PTPRQ: variants seen among roughly 807,000 people sequenced by gnomAD.
The protein encoded by PTPRQ is phosphatidylinositol phosphatase PTPRQ.
In PTPRQ, 199 loss-of-function variants were observed where a neutral mutation model predicts 246.0. The ratio of observed to expected loss-of-function variants is 0.81; its 90% CI spans 0.72 to 0.91. PTPRQ has a LOEUF of 0.91. PTPRQ is among the 40% of genes least tolerant of loss of function. The probability of loss-of-function intolerance (pLI) is 0.00; values close to 1 mark genes in which losing one functional copy is unlikely to be tolerated. For missense variants in PTPRQ, 2,624 were observed against 2,528.4 expected, an observed-to-expected ratio of 1.04 and a Z score of -0.81; for synonymous variants, 869 against 853.2, an observed-to-expected ratio of 1.02 and a Z score of -0.32.
chr12:80,635,077 A>AGC lies in PTPRQ; in HGVS notation c.5915+5_5915+6dup. 1.3e-6 allele frequency: 2 copies of AGC among 1,550,536 alleles called. No individual in the cohort carries two copies. The highest frequency in any genetic ancestry group is 1.7e-6 in the Non-Finnish European group (2 of 1,146,472). On this transcript the variant is annotated splice_donor_region_variant and intron_variant, in intron 35 of 44. Transcript: ENST00000644991. ...TGAAGGACGAGAGATTAACGCGGTG[A>AGC]GCACACTCCTCTGGGTGAACTGTGG...
intron 43 of PTPRQ, among the ~76,000 whole-genome samples, chr12:80,675,615 A>G (rs1304789341): frequency 1.3e-5 from 2 of 152,180 alleles, no homozygotes; most frequent in Admixed American, 6.5e-5. Context: ...AAAAGCTGAA[A>G]AAACTTCCAT....
chr12:80,453,182 T>C (rs1892834634), intron 3 of PTPRQ, among the ~76,000 whole-genome samples: 6 of 152,226 alleles, frequency 3.9e-5, no homozygotes, highest in Admixed American at 3.9e-4. Flanking sequence ...TCTGCATTCT[T>C]CACGTAGTTT....
At chr12:80,603,417 A>T (rs1358937850) in intron 26 of PTPRQ, among the ~76,000 whole-genome samples, 2 of 151,720 alleles carry the variant, frequency 1.3e-5, no homozygotes. Context: ...CTTTAACGTA[A>T]CAATCAGGTA....
At chr12:80,484,638 C>A (rs1041881258) in intron 9 of PTPRQ, 33 bp downstream of exon 9, 2 of 1,543,598 alleles carry the variant, frequency 1.3e-6, no homozygotes, top group East Asian at 2.5e-5. Flanking sequence ...ATTGGTGAAC[C>A]CTTTCTGCTT....
intron 25 of PTPRQ, among the ~76,000 whole-genome samples, chr12:80,586,244 C>T (rs1387349245): frequency 1.3e-5 from 2 of 151,746 alleles, no homozygotes; most frequent in Non-Finnish European, 2.9e-5. Flanking sequence ...AGGACATGAA[C>T]AGACACTTCT....
intron 25 of PTPRQ, among the ~76,000 whole-genome samples, chr12:80,550,534 A>G (rs1280895897): frequency 9.2e-5 from 14 of 152,048 alleles, no homozygotes; most frequent in Non-Finnish European, 2.9e-5. Flanking sequence ...ATTTTTTCAG[A>G]CTACGGTGTT....
At chr12:80,662,341 A>G (rs999941989) in intron 39 of PTPRQ, among the ~76,000 whole-genome samples, 3 of 151,962 alleles carry the variant, frequency 2.0e-5, no homozygotes, top group African/African-American at 4.8e-5. Context: ...TTACTTTTTT[A>G]GCATGTAGTT....
chr12:80,623,269 G>C (rs1592728760), intron 33 of PTPRQ, among the ~76,000 whole-genome samples: 1 of 152,268 alleles, frequency 6.6e-6, no homozygotes. Flanking sequence ...TCTACATGTA[G>C]TCAAGGAAAC....
At chr12:80,619,572 A>G (rs946422886) in intron 31 of PTPRQ, 30 bp downstream of exon 31, 20 of 1,484,210 alleles carry the variant, frequency 1.3e-5, no homozygotes, top group Non-Finnish European at 1.6e-5. Flanking sequence ...TATCTTGTTA[A>G]ATTGTGGAGT....
chr12:80,666,223 T>TGTA (rs1900782318), intron 39 of PTPRQ, among the ~76,000 whole-genome samples: 1 of 150,792 alleles, frequency 6.6e-6, no homozygotes, highest in Non-Finnish European at 1.5e-5. Context: ...CGCAATGGAA[T>TGTA]ACTATTTAGC....
chr12:80,547,836 G>T lies in PTPRQ; in HGVS notation c.4015+1139G>T, dbSNP rs543148412. The stretch of plus-strand genomic sequence containing the variant: ...TAAATGCCCACTTCATAGAGTGTTG[G>T]ACACACAGTAAATGACCCCTGAATA... On this transcript the variant is annotated intron_variant, in intron 24 of 44. Coordinates refer to ENST00000644991, the MANE Select transcript of PTPRQ (RefSeq NM_001145026.2). Among the ~76,000 whole-genome samples the T allele has an allele frequency of 9.9e-5, 15 of 152,218 alleles. No homozygotes were observed. In the East Asian group the frequency reaches 1.2e-3, roughly 12 times the overall value.
At chr12:80,632,339 A>G (rs1432103989) in intron 34 of PTPRQ, 48 bp downstream of exon 34, 10 of 1,549,924 alleles carry the variant, frequency 6.5e-6, no homozygotes, top group Non-Finnish European at 7.9e-6. Context: ...TGGGCATTAT[A>G]TCAGTCATAG....
chr12:80,445,647 T>A lies in PTPRQ; in HGVS notation c.320T>A (p.Val107Asp), dbSNP rs531266049. ...TGGATGCAAACAGTATATACACAAG[T>A]CAGATCAAAGCCAGACAGTCTGGAA... ...CPWMQTVYTQ[V>D]RSKPDSLEVL... Residue 107 changes from valine (V) to aspartate (D), a missense_variant, in exon 3 of 45, where the codon GTC (valine) becomes GAC (aspartate). Val to Asp is a radical substitution (Grantham distance 152). Coordinates refer to ENST00000644991, the MANE Select transcript of PTPRQ (RefSeq NM_001145026.2). The A allele has an allele frequency of 2.9e-5, 45 of 1,550,090 alleles. 1 individual carries two copies. The East Asian group carries it at 1.1e-3, about 37-fold the overall frequency.
chr12:80,588,181 A>G lies in PTPRQ; in HGVS notation c.4338A>G (p.Ala1446=), dbSNP rs779695324. 1 of 1,549,354 alleles carries G rather than the reference A, an allele frequency of 6.5e-7. No homozygotes were observed. Among genetic ancestry groups the G allele is most frequent in the South Asian group, 1.2e-5 (1 of 83,558 alleles). ...TTTCTGATGTTCAGTCAACTAGTGCAACATTGACATGGATAAGACCTGACA... is the reference window on the plus strand; with the variant it reads ...TTTCTGATGTTCAGTCAACTAGTGCGACATTGACATGGATAAGACCTGACA... The part of the protein sequence containing the change: ...IAFSDVQSTS[A]TLTWIRPDTI... Residue 1446 remains alanine, a synonymous_variant, in exon 26 of 45, where the codon GCA becomes GCG. Coordinates refer to ENST00000644991, the MANE Select transcript of PTPRQ (RefSeq NM_001145026.2).
chr12:80,476,183 A>G (rs76825338), intron 8 of PTPRQ, among the ~76,000 whole-genome samples: 1 of 152,112 alleles, frequency 6.6e-6, no homozygotes, highest in Non-Finnish European at 1.5e-5. Flanking sequence ...TTTTAAAAAG[A>G]GATGGAATAG....
At chr12:80,522,839 C>T (rs1304147822) in intron 17 of PTPRQ, among the ~76,000 whole-genome samples, 1 of 152,108 alleles carries the variant, frequency 6.6e-6, no homozygotes, top group African/African-American at 2.4e-5. Context: ...TTTGTTGTGT[C>T]TCTGCCAGGC....
chr12:80,521,594 T>C (rs1895489283), intron 17 of PTPRQ, among the ~76,000 whole-genome samples: 2 of 152,114 alleles, frequency 1.3e-5, no homozygotes, highest in Admixed American at 1.3e-4. Flanking sequence ...TAGCCAGTTT[T>C]CCCAGCACCA....
intron 25 of PTPRQ, among the ~76,000 whole-genome samples, chr12:80,566,243 C>T (rs1338061896): frequency 2.0e-5 from 3 of 151,880 alleles, no homozygotes; most frequent in Admixed American, 1.3e-4. Context: ...TTTGGGAGGC[C>T]GAGGCAGGTG....
chr12:80,624,644 C>T (rs910388902), intron 33 of PTPRQ, among the ~76,000 whole-genome samples: 1 of 152,136 alleles, frequency 6.6e-6, no homozygotes, highest in South Asian at 2.1e-4. Context: ...GGATTTAACA[C>T]CATCAATTAC....
Sources: gnomAD v4.1 joint callset for allele counts (sites outside exome capture counted in the v4.1 genomes callset) on GRCh38, gnomAD v4.1.1 for gene constraint, MANE v1.5 for transcripts, NCBI Gene and HGNC (gene_info 2026-07-23, HGNC 2026-07-21) for gene names.